Variants in TNIK observed in about 807,000 individuals in gnomAD.
TNIK encodes the protein TRAF2 and NCK interacting kinase.
TNIK carries 49 observed loss-of-function variants against 191.3 expected under a neutral mutation model. The ratio of observed to expected loss-of-function variants is 0.26; its 90% confidence interval spans 0.20 to 0.32. The LOEUF is 0.32. TNIK is among the 10% of genes least tolerant of loss of function. TNIK has a pLI of 1.00. For missense variants in TNIK, 1,155 were observed against 1,702.3 expected (o/e 0.68, Z 5.66); for synonymous variants, 594 against 600.9 (o/e 0.99, Z 0.17).
At chr3:171,270,485 A>G (rs1362634736) in intron 2 of TNIK, among the ~76,000 whole-genome samples, 1 of 152,190 alleles carries the variant, frequency 6.6e-6, no homozygotes, top group African/African-American at 2.4e-5. Flanking sequence ...CTCCAAAAAT[A>G]CCCACATCGT....
At chr3:171,145,615 A>T (rs1238401228) in intron 12 of TNIK, among the ~76,000 whole-genome samples, 2 of 152,150 alleles carry the variant, frequency 1.3e-5, no homozygotes, top group African/African-American at 4.8e-5. Flanking sequence ...GGGCCCTCAA[A>T]GGTAATGCAT....
At chr3:171,383,615 G>A (rs1316019935) in intron 1 of TNIK, among the ~76,000 whole-genome samples, 2 of 152,146 alleles carry the variant, frequency 1.3e-5, no homozygotes, top group Non-Finnish European at 2.9e-5. Flanking sequence ...TGTATTATTG[G>A]TCTGTGCAAA....
At chr3:171,142,620 C>A (rs1730993328) in intron 12 of TNIK, among the ~76,000 whole-genome samples, 1 of 152,144 alleles carries the variant, frequency 6.6e-6, no homozygotes, top group African/African-American at 2.4e-5. Flanking sequence ...TGGGTACCAG[C>A]ATGAGGCAAG....
At chr3:171,419,467 T>C (rs1333328740) in intron 1 of TNIK, among the ~76,000 whole-genome samples, 1 of 152,244 alleles carries the variant, frequency 6.6e-6, no homozygotes, top group African/African-American at 2.4e-5. Flanking sequence ...ATCCATTGAA[T>C]TGAATACTTC....
chr3:171,144,377 G>T (rs1731251765), intron 12 of TNIK, among the ~76,000 whole-genome samples: 2 of 151,896 alleles, frequency 1.3e-5, no homozygotes. Context: ...GTTCGCCAAG[G>T]ATGATTTCTT....
In TNIK at chr3:171,157,595, C is replaced by T. The variant is rs766972668; in HGVS notation, c.1086G>A (p.Lys362=). Residue 362 remains lysine (K), a synonymous_variant, in exon 12 of 33, where the codon AAG becomes AAA. Transcript: ENST00000436636. ...GCCTCCGTAGGGCCTCAGAACGCTC[C>T]TTGTTGGCCAGCTGCAGCCTCAGAA... ...RDFLRLQLAN[K]ERSEALRRQQ... 5.1e-6 allele frequency: 8 copies of T among 1,556,958 alleles called. No homozygotes were observed. Among genetic ancestry groups the T allele is most frequent in the Non-Finnish European group, 7.0e-6 (8 of 1,150,340 alleles).
At chr3:171,443,634 T>A (rs1046261243) in intron 1 of TNIK, among the ~76,000 whole-genome samples, 1 of 151,080 alleles carries the variant, frequency 6.6e-6, no homozygotes, top group Non-Finnish European at 1.5e-5. Context: ...CTGGGCAACA[T>A]AGGGAGACCC....
At position 171,150,810 on chromosome 3, in the gene TNIK, C is replaced by T. The variant is rs552356533; in HGVS notation, c.1221+6650G>A. 8.5e-5 allele frequency among the ~76,000 whole-genome samples: 13 copies of T among 152,050 alleles called. No homozygotes were observed. In the South Asian group the frequency reaches 1.9e-3, roughly 22 times the overall value. ...AGATAAACAGCCCAGTAAGACATAA[C>T]GAAAATGTGCTCTGGAAAAATGCTT... is the stretch of plus-strand genomic sequence containing the variant. On this transcript the variant is annotated intron_variant, in intron 12 of 32. Transcript: ENST00000436636.
At chr3:171,336,183 C>T (rs975888170) in intron 2 of TNIK, among the ~76,000 whole-genome samples, 2 of 152,144 alleles carry the variant, frequency 1.3e-5, no homozygotes, top group African/African-American at 4.8e-5. Flanking sequence ...TCAAAACTAA[C>T]AAAATGGGTT....
intron 2 of TNIK, among the ~76,000 whole-genome samples, chr3:171,367,415 GTAGGTAGGGAGT>G (rs1324587982): frequency 6.8e-6 from 1 of 146,686 alleles, no homozygotes; most frequent in African/African-American, 2.5e-5. Flanking sequence ...CCTTAAATAG[GTAGGTAGGGAGT>G]TATAATTCTT....
intron 3 of TNIK, among the ~76,000 whole-genome samples, chr3:171,215,364 A>C (rs1213503515): frequency 2.0e-5 from 3 of 152,194 alleles, no homozygotes; most frequent in Non-Finnish European, 2.9e-5. Flanking sequence ...ACCAGGAGGT[A>C]TGTATGAACT....
chr3:171,318,146 G>A (rs1435975407), intron 2 of TNIK, among the ~76,000 whole-genome samples: 2 of 152,070 alleles, frequency 1.3e-5, no homozygotes, highest in Non-Finnish European at 2.9e-5. Flanking sequence ...AAGAAGGAGA[G>A]TCATACTATA....
chr3:171,175,507 A>G (rs1735854636), intron 8 of TNIK, among the ~76,000 whole-genome samples, 177 bp from the exon 9 acceptor site: 2 of 152,244 alleles, frequency 1.3e-5, no homozygotes. Context: ...ATATCCACTT[A>G]CAGGAGTCTC....
At chr3:171,419,614 C>T (rs547366922) in intron 1 of TNIK, among the ~76,000 whole-genome samples, 1 of 152,222 alleles carries the variant, frequency 6.6e-6, no homozygotes, top group African/African-American at 2.4e-5. Context: ...GATCCCAGTG[C>T]TCCCACTCAT....
chr3:171,194,678 A>G, intron 4 of TNIK, 43 bp from the exon 5 acceptor site: 4 of 1,576,720 alleles, frequency 2.5e-6, no homozygotes, highest in Non-Finnish European at 3.5e-6. Flanking sequence ...ATGATGCTTC[A>G]CTGCTTCCAT....
chr3:171,410,597 G>T (rs1199222673), intron 1 of TNIK, among the ~76,000 whole-genome samples: 1 of 151,948 alleles, frequency 6.6e-6, no homozygotes, highest in South Asian at 2.1e-4. Flanking sequence ...GGCTAACACG[G>T]TGAAACCCCG....
chr3:171,249,996 AC>A (rs1746051748), intron 2 of TNIK, among the ~76,000 whole-genome samples: 2 of 152,198 alleles, frequency 1.3e-5, no homozygotes. Flanking sequence ...CCCCCATTAT[AC>A]TAATGAAGAG....
At chr3:171,282,334 G>GGTTTTTTTTTTTTTTT (rs1553878294) in intron 2 of TNIK, among the ~76,000 whole-genome samples, 1 of 114,524 alleles carries the variant, frequency 8.7e-6, no homozygotes, top group African/African-American at 3.5e-5. Context: ...TCTCTTAATG[G>GGTTTTTTTTTTTTTTT]TTTTTTGTTT....
intron 2 of TNIK, among the ~76,000 whole-genome samples, chr3:171,252,846 G>A (rs1449694672): frequency 6.6e-6 from 1 of 152,128 alleles, no homozygotes; most frequent in Non-Finnish European, 1.5e-5. Flanking sequence ...AAAATAAACA[G>A]CTAGGATTTC....
Sources: gnomAD v4.1 joint callset for allele counts (sites outside exome capture counted in the v4.1 genomes callset) on GRCh38, gnomAD v4.1.1 for gene constraint, MANE v1.5 for transcripts, NCBI Gene and HGNC (gene_info 2026-07-23, HGNC 2026-07-21) for gene names.